Variants in LRRCC1 observed in about 807,000 individuals in gnomAD.
LRRCC1 encodes leucine rich repeat and coiled-coil centrosomal protein 1.
LRRCC1 carries 115 observed loss-of-function variants against 126.0 expected under a neutral mutation model. That is an observed-to-expected ratio of 0.91 (90% CI 0.78 to 1.07). The LOEUF is 1.07. Ranked by LOEUF, LRRCC1 falls within the 50% of genes least tolerant of loss-of-function variation. LRRCC1 has a pLI of 0.00. For missense variants in LRRCC1, 1,172 were observed against 1,175.7 expected, an observed-to-expected ratio of 1.00 and a Z score of 0.05; for synonymous variants, 400 against 393.4, an observed-to-expected ratio of 1.02 and a Z score of -0.20.
intron 17 of LRRCC1, among the ~76,000 whole-genome samples, chr8:85,138,830 A>G (rs948683426): frequency 4.6e-5 from 7 of 152,094 alleles, no homozygotes; most frequent in African/African-American, 1.7e-4. Context: ...GGATCACCTG[A>G]GATTAGGAGT....
chr8:85,127,420 C>CTA (rs1810099380), intron 9 of LRRCC1, among the ~76,000 whole-genome samples: 1 of 152,096 alleles, frequency 6.6e-6, no homozygotes, highest in South Asian at 2.1e-4. Context: ...GTAATTATTT[C>CTA]TAACGTCATG....
chr8:85,136,200 TC>T (rs766739986), intron 14 of LRRCC1, among the ~76,000 whole-genome samples: 1 of 152,318 alleles, frequency 6.6e-6, no homozygotes, highest in Non-Finnish European at 1.5e-5. Context: ...AAATTTTGTT[TC>T]CCATGATAAT....
intron 17 of LRRCC1, among the ~76,000 whole-genome samples, chr8:85,139,529 G>T (rs752111724): frequency 1.3e-5 from 2 of 152,150 alleles, no homozygotes; most frequent in East Asian, 3.9e-4. Context: ...GCCTGCCAAA[G>T]TGCTGGGATT....
At chr8:85,125,125 A>G (rs1809874422) in intron 8 of LRRCC1, among the ~76,000 whole-genome samples, 186 bp downstream of exon 8, 1 of 152,106 alleles carries the variant, frequency 6.6e-6, no homozygotes, top group Non-Finnish European at 1.5e-5. Flanking sequence ...TGAAAATTAC[A>G]TTTTTTTATG....
rs112718706 is a variant in LRRCC1, at chr8:85,114,012, G to T, written c.544+913G>T. Among the ~76,000 whole-genome samples, 1,214 of 152,154 alleles carry T rather than the reference G, an allele frequency of 8.0e-3. 22 individuals carry two copies. Among genetic ancestry groups the T allele is most frequent in the African/African-American group, 0.028 (1,161 of 41,538 alleles). ...TGCAACTATAAGAAGGCTTTTTGCA[G>T]CATGGAAACCTGTGTTGGTAATTTT... On this transcript the variant is annotated intron_variant, in intron 4 of 18. Coordinates refer to ENST00000360375, the MANE Select transcript of LRRCC1 (RefSeq NM_033402.5).
In LRRCC1 at chr8:85,107,382, G is replaced by C. The variant is rs547117503; in HGVS notation, c.87G>C (p.Met29Ile). ...GDSSCGDVCF[M>I]DKGLQSISEL... is the part of the protein sequence containing the mutation. The stretch of plus-strand genomic sequence containing the variant: ...GCAGCTGCGGGGATGTATGCTTCAT[G>C]GACAAAGGCTTGCAGAGGTAAAGGG... Residue 29 changes from methionine to isoleucine, a missense_variant, in exon 1 of 19, where the codon ATG (methionine) becomes ATC (isoleucine). Coordinates refer to ENST00000360375, the MANE Select transcript of LRRCC1 (RefSeq NM_033402.5). 6.2e-7 allele frequency: 1 copy of C among 1,613,430 alleles called. No homozygotes were observed. Among genetic ancestry groups the C allele is most frequent in the Non-Finnish European group, 8.5e-7 (1 of 1,179,486 alleles).
chr8:85,139,043 T>C (rs1266878913), intron 17 of LRRCC1, among the ~76,000 whole-genome samples: 2 of 151,622 alleles, frequency 1.3e-5, no homozygotes, highest in Admixed American at 1.3e-4. Context: ...CGAAACTTTG[T>C]CTCAAAAAGA....
At chr8:85,113,585 A>G (rs1447118192) in intron 4 of LRRCC1, among the ~76,000 whole-genome samples, 1 of 152,094 alleles carries the variant, frequency 6.6e-6, no homozygotes, top group Non-Finnish European at 1.5e-5. Flanking sequence ...TGTGCTCAGT[A>G]TATACATAAA....
intron 9 of LRRCC1, 72 bp from the exon 10 acceptor site, chr8:85,129,103 T>G (rs1258142963): frequency 9.3e-7 from 1 of 1,076,778 alleles, no homozygotes; most frequent in Admixed American, 2.2e-5. Context: ...GAGAGTACTC[T>G]CATTGAAGTC....
rs1462013131 is a variant in LRRCC1 at position 85,109,694 on chromosome 8, A to G, written c.204A>G (p.Gln68=). ...CCATTGATCATATTTGGAATTTACA[A>G]CATCTAGATCTGTCATCTAATCAAA... ...IEAIDHIWNL[Q]HLDLSSNQIS... is the part of the protein sequence containing the mutation. The change falls in exon 2 of 19, where the codon CAA becomes CAG. Residue 68 remains glutamine, a synonymous_variant. Coordinates refer to ENST00000360375, the MANE Select transcript of LRRCC1 (RefSeq NM_033402.5). 1 of 1,605,386 alleles carries G rather than the reference A, an allele frequency of 6.2e-7. No individual in the cohort carries two copies. Among genetic ancestry groups the G allele is most frequent in the Non-Finnish European group, 8.5e-7 (1 of 1,172,296 alleles).
intron 6 of LRRCC1, among the ~76,000 whole-genome samples, chr8:85,115,905 T>G: frequency 6.6e-6 from 1 of 152,226 alleles, no homozygotes. Flanking sequence ...CTCTTTGGAC[T>G]CAGTGTTACT....
At position 85,130,033 on chromosome 8, in the gene LRRCC1, C is replaced by G; in HGVS notation, c.1741C>G (p.Leu581Val). ...REQAQQLHQL[L>V]ALKEQEHRKE... ...ACAAGCGCAACAACTTCATCAACTT[C>G]TTGCATTGAAAGAACAGGAACACAG... is the stretch of plus-strand genomic sequence containing the variant. The change falls in exon 11 of 19, where the codon CTT becomes GTT. Residue 581 changes from leucine (L) to valine (V), a missense_variant. Physicochemically the swap from Leu to Val is conservative, Grantham distance 32. Coordinates refer to ENST00000360375, the MANE Select transcript of LRRCC1 (RefSeq NM_033402.5). 5 of 1,593,956 alleles carry G rather than the reference C, an allele frequency of 3.1e-6. No homozygotes were observed. The highest frequency in any genetic ancestry group is 4.3e-6 in the Non-Finnish European group (5 of 1,172,780).
At chr8:85,128,426 C>A (rs1434674481) in intron 9 of LRRCC1, among the ~76,000 whole-genome samples, 2 of 126,580 alleles carry the variant, frequency 1.6e-5, no homozygotes, top group Non-Finnish European at 3.3e-5. Flanking sequence ...GCCACCCCCC[C>A]ACCCCCCCCA....
chr8:85,114,261 C>A (rs1462083737), intron 4 of LRRCC1, among the ~76,000 whole-genome samples: 1 of 151,512 alleles, frequency 6.6e-6, no homozygotes, highest in African/African-American at 2.4e-5. Context: ...ATCTCAAGAA[C>A]CTCTGGTTTC....
At chr8:85,118,897 A>G (rs974869268) in intron 6 of LRRCC1, among the ~76,000 whole-genome samples, 2 of 151,086 alleles carry the variant, frequency 1.3e-5, no homozygotes, top group African/African-American at 4.9e-5. Flanking sequence ...TTTCCCTTTC[A>G]TGGTCATTGT....
chr8:85,133,145 C>T (rs1053438937), intron 12 of LRRCC1, among the ~76,000 whole-genome samples: 9 of 152,268 alleles, frequency 5.9e-5, no homozygotes, highest in Admixed American at 2.0e-4. Flanking sequence ...ACTAGCATTG[C>T]GCTATCAAAG....
Position 85,124,940 on chromosome 8 carries a change from G to A in LRRCC1, c.1272+1G>A. The A allele has an allele frequency of 6.3e-7, 1 of 1,578,202 alleles. No individual in the cohort carries two copies. Among genetic ancestry groups the A allele is most frequent in the South Asian group, 1.2e-5 (1 of 83,488 alleles). On this transcript the variant is annotated splice_donor_variant, in intron 8 of 18. Coordinates refer to ENST00000360375, the MANE Select transcript of LRRCC1 (RefSeq NM_033402.5). LOFTEE classifies it high-confidence loss of function. Reference sequence around the variant, plus strand: ...TCACTCAGAAGACAACACTTACCAGGTATGATTTAAGAGTTAAAGAAAAAA... The same window carrying A: ...TCACTCAGAAGACAACACTTACCAGATATGATTTAAGAGTTAAAGAAAAAA...
At position 85,134,988 on chromosome 8, in the gene LRRCC1, G is replaced by A. The variant is rs1805627256; in HGVS notation, c.2110G>A (p.Ala704Thr). 1 of 1,547,072 alleles carries A rather than the reference G, an allele frequency of 6.5e-7. No individual in the cohort carries two copies. Among genetic ancestry groups the A allele is most frequent in the African/African-American group, 1.4e-5 (1 of 70,740 alleles). Residue 704 changes from alanine (A) to threonine (T), a missense_variant, in exon 13 of 19, where the codon GCA becomes ACA. Ala to Thr is a moderately conservative substitution (Grantham distance 58, BLOSUM62 0). Coordinates refer to ENST00000360375, the MANE Select transcript of LRRCC1 (RefSeq NM_033402.5). ...CMVKEQKTKL[A>T]EVSKLKQETA... Reference sequence around the variant, plus strand: ...GGTAAAGGAACAAAAAACAAAACTGGCAGAAGTTTCTAAATTGAAACAAGA... The same window carrying A: ...GGTAAAGGAACAAAAAACAAAACTGACAGAAGTTTCTAAATTGAAACAAGA...
chr8:85,136,058 A>T (rs1810838083), intron 14 of LRRCC1, 95 bp downstream of exon 14: 1 of 1,077,508 alleles, frequency 9.3e-7, no homozygotes, highest in South Asian at 3.0e-5. Context: ...CTGCCTAAAG[A>T]TGCCAAGAAA....
Sources: gnomAD v4.1 joint callset for allele counts (sites outside exome capture counted in the v4.1 genomes callset) on GRCh38, gnomAD v4.1.1 for gene constraint, MANE v1.5 for transcripts, NCBI Gene and HGNC (gene_info 2026-07-23, HGNC 2026-07-21) for gene names.